ATP4B: variants seen among roughly 807,000 people sequenced by gnomAD.
ATP4B encodes the protein ATPase H+/K+ transporting subunit beta, also known as potassium-transporting ATPase subunit beta.
Under a neutral mutation model 35.3 loss-of-function variants are expected in ATP4B, and 27 were observed. The observed-to-expected ratio is 0.76, with a 90% CI of 0.56 to 1.05. The LOEUF (loss-of-function observed/expected upper bound fraction) is 1.05. Among genes scored for constraint, ATP4B ranks in the 50% least tolerant of loss-of-function variants. The probability of loss-of-function intolerance (pLI) is 0.00; values close to 1 mark genes in which losing one functional copy is unlikely to be tolerated. For synonymous variants in ATP4B, 162 were observed against 156.0 expected (o/e 1.04, Z -0.29); for missense variants, 375 against 384.8 (o/e 0.97, Z 0.21).
chr13:113,649,568 C>A lies in ATP4B; in HGVS notation c.715-33G>T. The A allele has an allele frequency of 6.9e-7, 1 of 1,456,292 alleles. No homozygotes were observed. The allele number at this position is 1,456,292 out of a possible 1,614,324, so 90.2% of individuals were successfully genotyped here. ...GGGAGTGAGGAAAGGACAGGTGTTT[C>A]AAAAATCTCTGAAGTTAAGGAGAGA... On this transcript the variant is annotated intron_variant, in intron 6 of 6. Coordinates refer to ENST00000335288, the MANE Select transcript of ATP4B (RefSeq NM_000705.4). The surrounding 1 kb of genome is among the most constrained non-coding windows in gnomAD (Gnocchi z 4.7).
At position 113,653,034 on chromosome 13, in the gene ATP4B, T is replaced by C; in HGVS notation, c.394A>G (p.Thr132Ala). The part of the protein sequence containing the change: ...PAAQEDSINC[T>A]SEQYFFQESF... ...TCCTGGAAGAAGTACTGCTCGGAGG[T>C]GCAGTTGATGCTGTCCTCCTGGGCT... Residue 132 changes from threonine (T) to alanine (A), a missense_variant, in exon 4 of 7, where the codon ACC (threonine) becomes GCC (alanine). Thr to Ala is a moderately conservative substitution (Grantham distance 58, BLOSUM62 0). Transcript: ENST00000335288. 6.2e-7 allele frequency: 1 copy of C among 1,613,356 alleles called. No individual in the cohort carries two copies. Among genetic ancestry groups the C allele is most frequent in the African/African-American group, 1.3e-5 (1 of 75,008 alleles).
In ATP4B at chr13:113,651,696, G is replaced by A. The variant is rs2140700289; in HGVS notation, c.587C>T (p.Ala196Val). The A allele has an allele frequency of 1.2e-6, 2 of 1,613,730 alleles. No homozygotes were observed. The highest frequency in any genetic ancestry group is 1.7e-6 in the Non-Finnish European group (2 of 1,179,832). ...IVKFLPSNGS[A>V]PRVDCAFLDQ... ...CAGGAAGGCGCAGTCCACTCTGGGG[G>A]CCGAGCCGTTGCTGGGGAGGAACTT... Residue 196 changes from alanine to valine, a missense_variant, in exon 5 of 7, where the codon GCC (alanine) becomes GTC (valine). By Grantham distance (64) the Ala-to-Val change is moderately conservative. Transcript: ENST00000335288.
At chr13:113,651,811 C>T in intron 4 of ATP4B, 84 bp from the exon 5 acceptor site, 1 of 1,511,694 alleles carries the variant, frequency 6.6e-7, no homozygotes, top group Non-Finnish European at 9.0e-7. Flanking sequence ...GAGCTGAGAT[C>T]TGGCCGGCCC....
chr13:113,653,597 C>A (rs1395351061), intron 2 of ATP4B, among the ~76,000 whole-genome samples, 163 bp from the exon 3 acceptor site: 1 of 152,232 alleles, frequency 6.6e-6, no homozygotes, highest in Non-Finnish European at 1.5e-5. Context: ...CAGGACAGCA[C>A]AGTCAGAATG....
At chr13:113,653,241 CG>C in intron 3 of ATP4B, 79 bp downstream of exon 3, 1 of 1,350,054 alleles carries the variant, frequency 7.4e-7, no homozygotes, top group Non-Finnish European at 1.0e-6. Context: ...ACCCACCCGC[CG>C]CTTCACACCT....
chr13:113,658,192 C>A lies in ATP4B; in HGVS notation c.-48G>T, dbSNP rs754775088. On this transcript the variant is annotated 5_prime_UTR_variant, in exon 1 of 7. Transcript: ENST00000335288. ...CGTCTGCTCCCTGCACCCTCTACGC[C>A]CAGACTGAGGCCAGATGCCCACCTC... is the stretch of plus-strand genomic sequence containing the variant. 7 of 1,550,136 alleles carry A rather than the reference C, an allele frequency of 4.5e-6. No homozygotes were observed. Among genetic ancestry groups the A allele is most frequent in the Non-Finnish European group, 6.2e-6 (7 of 1,136,648 alleles).
At chr13:113,651,767 C>T (rs1183132200) in intron 4 of ATP4B, 40 bp from the exon 5 acceptor site, 1 of 1,606,746 alleles carries the variant, frequency 6.2e-7, no homozygotes, top group African/African-American at 1.3e-5. Context: ...TCCCCACCCC[C>T]ACCGCCATGT....
At chr13:113,653,221 TTCACACCTCACCCACCCGCCGC>T (rs2049726835) in intron 3 of ATP4B, 78 bp downstream of exon 3, 6 of 1,341,544 alleles carry the variant, frequency 4.5e-6, no homozygotes, top group Non-Finnish European at 6.2e-6. Flanking sequence ...CACCTGCTGC[TTCACACCTCACCCACCCGCCGC>T]TTCACACCTC....
chr13:113,651,543 T>C, intron 5 of ATP4B, 128 bp downstream of exon 5: 1 of 1,092,702 alleles, frequency 9.2e-7, no homozygotes, highest in Non-Finnish European at 1.3e-6. Context: ...GGTGTTTACG[T>C]CTGGTTTACT....
At chr13:113,654,785 G>A (rs200119654) in intron 2 of ATP4B, 29 bp downstream of exon 2, 73 of 1,608,226 alleles carry the variant, frequency 4.5e-5, no homozygotes, top group South Asian at 2.0e-4. Flanking sequence ...CCTGTCACAC[G>A]GCATGGGGGC....
intron 1 of ATP4B, among the ~76,000 whole-genome samples, chr13:113,657,314 G>A (rs1312408510): frequency 6.6e-6 from 1 of 152,208 alleles, no homozygotes; most frequent in Non-Finnish European, 1.5e-5. Flanking sequence ...CCCAGGGGTC[G>A]CAGGGGGAGG....
chr13:113,651,079 A>C (rs898822674), intron 5 of ATP4B, among the ~76,000 whole-genome samples: 1 of 152,070 alleles, frequency 6.6e-6, no homozygotes, highest in Non-Finnish European at 1.5e-5. Context: ...CTTCGAGGGA[A>C]GTGAGGTTCC....
chr13:113,656,050 C>T (rs1307309343), intron 1 of ATP4B, among the ~76,000 whole-genome samples: 3 of 152,258 alleles, frequency 2.0e-5, no homozygotes, highest in African/African-American at 7.2e-5. Flanking sequence ...GCCGGGCGTC[C>T]CTGGTGACGG....
At chr13:113,657,491 T>C (rs1240289320) in intron 1 of ATP4B, among the ~76,000 whole-genome samples, 1 of 152,222 alleles carries the variant, frequency 6.6e-6, no homozygotes, top group Non-Finnish European at 1.5e-5. Context: ...CCCGCGCCTC[T>C]GTGCAGCCAC....
rs371804088 is a variant in ATP4B at position 113,650,539 on chromosome 13, C to T, written c.613-32G>A. 4.2e-5 allele frequency: 66 copies of T among 1,578,396 alleles called. 1 individual carries two copies. Among genetic ancestry groups the T allele is most frequent in the Middle Eastern group, 1.7e-4 (1 of 5,812 alleles). ...AGGAGAGGCCACTGCCTGAGTCAGG[C>T]GGGAGCTGGTGTGTGCCGGTGTCTG... On this transcript the variant is annotated intron_variant, in intron 5 of 6. Transcript: ENST00000335288. The surrounding 1 kb of genome is among the most constrained non-coding windows in gnomAD (Gnocchi z 5.0).
intron 5 of ATP4B, 105 bp downstream of exon 5, chr13:113,651,566 G>T: frequency 7.7e-7 from 1 of 1,291,136 alleles, no homozygotes; most frequent in South Asian, 1.8e-5. Context: ...GCCGACGGCT[G>T]ACATTCCTGG....
At chr13:113,656,267 C>T (rs575325889) in intron 1 of ATP4B, among the ~76,000 whole-genome samples, 8 of 152,302 alleles carry the variant, frequency 5.3e-5, no homozygotes, top group South Asian at 2.1e-4. Flanking sequence ...GCCTGTCCCC[C>T]GGGGACCTAC....
rs369809506 is a variant in ATP4B at position 113,653,408 on chromosome 13, C to G, written c.268G>C (p.Gly90Arg). The G allele has an allele frequency of 5.0e-6, 8 of 1,614,128 alleles. No homozygotes were observed. In the African/African-American group the frequency reaches 5.3e-5, roughly 11 times the overall value. The change falls in exon 3 of 7, where the codon GGG (glycine) becomes CGG (arginine). Residue 90 changes from glycine (G) to arginine (R), a missense_variant. Gly to Arg is a moderately radical substitution (Grantham distance 125). Transcript: ENST00000335288. ...TAGACAATTTCCAGGCCTTTCTCCC[C>G]GTAAACATCCGGCCTTAAGGTTACC... ...PGVTLRPDVY[G>R]EKGLEIVYNV...
Position 113,653,001 on chromosome 13 carries a change from G to C in ATP4B, c.427C>G (p.Arg143Gly), listed in dbSNP as rs781037227. ...SEQYFFQESF[R>G]APNHTKFSCK... is the part of the protein sequence containing the mutation. Reference sequence around the variant, plus strand: ...GAGAACTTGGTGTGGTTGGGAGCGCGGAAACTCTCCTGGAAGAAGTACTGC... The same window carrying C: ...GAGAACTTGGTGTGGTTGGGAGCGCCGAAACTCTCCTGGAAGAAGTACTGC... Residue 143 changes from arginine (R) to glycine (G), a missense_variant, in exon 4 of 7, where the codon CGC (arginine) becomes GGC (glycine). Physicochemically the swap from Arg to Gly is moderately radical, Grantham distance 125 (BLOSUM62 -2). Coordinates refer to ENST00000335288, the MANE Select transcript of ATP4B (RefSeq NM_000705.4). 12 of 1,614,146 alleles carry C rather than the reference G, an allele frequency of 7.4e-6. No homozygotes were observed. In the Middle Eastern group the frequency reaches 4.9e-4, roughly 67 times the overall value.
Sources: gnomAD v4.1 joint callset for allele counts (sites outside exome capture counted in the v4.1 genomes callset) on GRCh38, gnomAD v4.1.1 for gene constraint, Gnocchi (gnomAD v3.1) non-coding constraint, MANE v1.5 for transcripts, NCBI Gene and HGNC (gene_info 2026-07-23, HGNC 2026-07-21) for gene names.